STARD13: variants seen among roughly 807,000 people sequenced by gnomAD.
STARD13 encodes stAR-related lipid transfer protein 13.
In STARD13, 62 loss-of-function variants were observed where a neutral mutation model predicts 106.4. The observed-to-expected ratio is 0.58, with a 90% confidence interval of 0.48 to 0.72. The LOEUF (loss-of-function observed/expected upper bound fraction) is 0.72, where lower values mean the gene tolerates loss of function less well. Among genes scored for constraint, STARD13 ranks in the 30% least tolerant of loss-of-function variants. STARD13 has a pLI of 0.00. For synonymous variants in STARD13, 565 were observed against 553.0 expected (o/e 1.02, Z -0.31); for missense variants, 1,387 against 1,424.0 (o/e 0.97, Z 0.42).
At chr13:33,537,444 G>A in the STARD13 span, among the ~76,000 whole-genome samples, 32,527 of 152,122 alleles carry the variant, frequency 0.21, 3,852 homozygotes, top group East Asian at 0.42. Context: ...TTAAAACCCA[G>A]TCTTGGCAAG....
At chr13:33,269,533 C>T (rs991172268) in intron 1 of STARD13, among the ~76,000 whole-genome samples, 2 of 152,188 alleles carry the variant, frequency 1.3e-5, no homozygotes, top group African/African-American at 4.8e-5. Flanking sequence ...GCTCTTCTGC[C>T]TAGGAATAGC....
chr13:33,474,185 T>G, the STARD13 span, among the ~76,000 whole-genome samples: 243 of 152,316 alleles, frequency 1.6e-3, no homozygotes, highest in African/African-American at 5.4e-3. Flanking sequence ...GTATCCAGGC[T>G]TTTATGCTGC....
At chr13:33,374,593 TC>T in the STARD13 span, among the ~76,000 whole-genome samples, 4 of 152,200 alleles carry the variant, frequency 2.6e-5, no homozygotes, top group African/African-American at 9.7e-5. Flanking sequence ...ACTATGGTGT[TC>T]AGGGGATGCA....
At chr13:33,598,055 A>G in the STARD13 span, among the ~76,000 whole-genome samples, 1 of 152,182 alleles carries the variant, frequency 6.6e-6, no homozygotes, top group African/African-American at 2.4e-5. Flanking sequence ...CATCTTTGCC[A>G]CCTGACCCCA....
chr13:33,634,890 C>A, the STARD13 span, among the ~76,000 whole-genome samples: 4 of 152,164 alleles, frequency 2.6e-5, no homozygotes, highest in Admixed American at 1.3e-4. Flanking sequence ...GCTGCAAAGG[C>A]TCTGGCTCTG....
At chr13:33,186,031 A>C in intron 1 of STARD13, 1 of 1,614,120 alleles carries the variant, frequency 6.2e-7, no homozygotes, top group Non-Finnish European at 8.5e-7. Flanking sequence ...ATGGAGGTTC[A>C]AAGAAATTCA....
At chr13:33,664,453 G>A in the STARD13 span, among the ~76,000 whole-genome samples, 1 of 152,096 alleles carries the variant, frequency 6.6e-6, no homozygotes, top group African/African-American at 2.4e-5. Context: ...CTTTGGACTT[G>A]GTGAAAACAC....
At chr13:33,478,775 G>T in the STARD13 span, among the ~76,000 whole-genome samples, 1 of 152,078 alleles carries the variant, frequency 6.6e-6, no homozygotes, top group African/African-American at 2.4e-5. Context: ...AATTATCCAG[G>T]TATGGTGGCA....
At position 33,128,962 on chromosome 13, in the gene STARD13, G is replaced by C; in HGVS notation, c.1715C>G (p.Ser572Cys). Residue 572 changes from serine (S) to cysteine (C), a missense_variant, in exon 5 of 14, where the codon TCT (serine) becomes TGT (cysteine). Ser to Cys is a moderately radical substitution (Grantham distance 112). Coordinates refer to ENST00000336934, the MANE Select transcript of STARD13 (RefSeq NM_178006.4). ...EPPGVRDRRD[S>C]GVGASLTRPN... ...CCTGGTCAGAGAGGCCCCTACACCA[G>C]AATCCCTCCTGTCTCTGACCCCAGG... is the stretch of plus-strand genomic sequence containing the variant. 6.2e-7 allele frequency: 1 copy of C among 1,613,824 alleles called. No homozygotes were observed. Among genetic ancestry groups the C allele is most frequent in the Non-Finnish European group, 8.5e-7 (1 of 1,179,900 alleles).
chr13:33,214,661 C>A (rs1434325930), intron 1 of STARD13, among the ~76,000 whole-genome samples: 1 of 150,436 alleles, frequency 6.6e-6, no homozygotes, highest in African/African-American at 2.5e-5. Flanking sequence ...ACCTTACACA[C>A]AAACACACAC....
At chr13:33,118,305 G>T in intron 7 of STARD13, 42 bp from the exon 8 acceptor site, 1 of 1,562,340 alleles carries the variant, frequency 6.4e-7, no homozygotes, top group South Asian at 1.1e-5. Context: ...GGCCACACTT[G>T]GTTGTGAGGA....
the STARD13 span, among the ~76,000 whole-genome samples, chr13:33,395,725 A>G: frequency 2.0e-5 from 3 of 152,262 alleles, no homozygotes; most frequent in African/African-American, 7.2e-5. Context: ...AACTATTAAC[A>G]ACTTTCTTAA....
At chr13:33,234,414 C>T (rs1340100213) in intron 1 of STARD13, among the ~76,000 whole-genome samples, 1 of 152,192 alleles carries the variant, frequency 6.6e-6, no homozygotes, top group Non-Finnish European at 1.5e-5. Context: ...ATCATGCCAT[C>T]TGCTCTCTTC....
chr13:33,651,483 C>G, the STARD13 span, among the ~76,000 whole-genome samples: 1 of 152,146 alleles, frequency 6.6e-6, no homozygotes, highest in Non-Finnish European at 1.5e-5. Flanking sequence ...ACTTACACCC[C>G]CTGTCATTCT....
chr13:33,135,552 A>G (rs1384875819), intron 4 of STARD13, among the ~76,000 whole-genome samples: 1 of 152,234 alleles, frequency 6.6e-6, no homozygotes, highest in Non-Finnish European at 1.5e-5. Flanking sequence ...CTTTATAATT[A>G]TAAGAATTGG....
chr13:33,244,015 C>CTT (rs5802676), intron 1 of STARD13, among the ~76,000 whole-genome samples: 1 of 141,080 alleles, frequency 7.1e-6, no homozygotes. Context: ...GATTCCGGCT[C>CTT]TTTTTTTTTT....
rs142726998 is a variant in STARD13 at position 33,130,470 on chromosome 13, T to A, written c.388-181A>T. On this transcript the variant is annotated intron_variant, in intron 4 of 13. Transcript: ENST00000336934. The surrounding 1 kb of genome is among the most constrained non-coding windows in gnomAD (Gnocchi z 4.1). ...TCTACCACTTGCACTGTCTTGTACA[T>A]ACCCTTCCTCCCAGTGGCCAGAGGA... Among the ~76,000 whole-genome samples, 170 of 152,308 alleles carry A rather than the reference T, an allele frequency of 1.1e-3. 1 individual carries two copies. Among genetic ancestry groups the A allele is most frequent in the African/African-American group, 3.8e-3 (157 of 41,580 alleles).
the STARD13 span, among the ~76,000 whole-genome samples, chr13:33,583,540 T>C: frequency 1.3e-5 from 2 of 151,988 alleles, no homozygotes; most frequent in Non-Finnish European, 2.9e-5. Context: ...ACTAACAGGG[T>C]TTTTTCTGTC....
chr13:33,558,270 T>A, the STARD13 span, among the ~76,000 whole-genome samples: 1 of 152,198 alleles, frequency 6.6e-6, no homozygotes, highest in Non-Finnish European at 1.5e-5. Context: ...AGTTTCCTTA[T>A]CTATAAATTG....
Sources: allele counts gnomAD v4.1 joint callset (sites outside exome capture counted in the v4.1 genomes callset), GRCh38; gene constraint gnomAD v4.1.1; non-coding constraint Gnocchi (gnomAD v3.1); transcripts MANE v1.5; gene names NCBI Gene and HGNC (gene_info 2026-07-23, HGNC 2026-07-21).